Variants in LINGO1 observed in about 807,000 individuals in gnomAD.
LINGO1 encodes the protein leucine rich repeat and Ig domain containing 1.
A neutral mutation model predicts 37.3 loss-of-function variants in LINGO1; 11 were observed. That is an observed-to-expected ratio of 0.29 (90% CI 0.19 to 0.49). LINGO1 has a LOEUF of 0.49. Ranked by LOEUF, LINGO1 falls within the 20% of genes least tolerant of loss-of-function variation. LINGO1 has a pLI of 0.99. For missense variants in LINGO1, 585 were observed against 878.2 expected (o/e 0.67, Z 4.22); for synonymous variants, 387 against 403.0 (o/e 0.96, Z 0.48).
At chr15:77,810,704 G>A (rs1447079163) in intron 1 of LINGO1, among the ~76,000 whole-genome samples, 1 of 152,338 alleles carries the variant, frequency 6.6e-6, no homozygotes, top group East Asian at 1.9e-4. Context: ...TCTAGTTCCA[G>A]CATTCTGTGA....
upstream of LINGO1, among the ~76,000 whole-genome samples, chr15:77,701,482 T>C (rs1315558644): frequency 6.6e-6 from 1 of 152,102 alleles, no homozygotes; most frequent in East Asian, 1.9e-4. Context: ...TCAAGAGGCC[T>C]GAGAAGGCTT....
At chr15:77,737,147 C>T (rs768655737) in intron 1 of LINGO1, among the ~76,000 whole-genome samples, 3 of 152,194 alleles carry the variant, frequency 2.0e-5, no homozygotes, top group Non-Finnish European at 2.9e-5. Flanking sequence ...AGGGTATCCA[C>T]GTTTTACATG....
In LINGO1 at chr15:77,615,797, C is replaced by T; in HGVS notation, c.110G>A (p.Gly37Asp). Residue 37 changes from glycine to aspartate, a missense_variant, in exon 2 of 2, where the codon GGC (glycine) becomes GAC (aspartate). This residue lies in a region of LINGO1 where 65 missense variants were observed against 57.0 expected (regional missense o/e 1.14). Coordinates refer to ENST00000355300, the MANE Select transcript of LINGO1 (RefSeq NM_032808.7). Reference sequence around the variant, plus strand: ...GCGGGGCGGGCAGCCCGTGGCCGAGCCTGACAGCACTGAGCCCAGCACCAG... The same window carrying T: ...GCGGGGCGGGCAGCCCGTGGCCGAGTCTGACAGCACTGAGCCCAGCACCAG... ...LLLVLGSVLS[G>D]SATGCPPRCE... The T allele has an allele frequency of 6.4e-7, 1 of 1,562,622 alleles. No individual in the cohort carries two copies. The highest frequency in any genetic ancestry group is 8.6e-7 in the Non-Finnish European group (1 of 1,161,714).
chr15:77,621,582 G>A (rs2073922586), intron 1 of LINGO1, among the ~76,000 whole-genome samples: 1 of 152,200 alleles, frequency 6.6e-6, no homozygotes, highest in African/African-American at 2.4e-5. Flanking sequence ...CAGGGGAGGG[G>A]CTGTCCTGTC....
chr15:77,756,987 C>A (rs1567566340), intron 1 of LINGO1, among the ~76,000 whole-genome samples: 1 of 152,218 alleles, frequency 6.6e-6, no homozygotes, highest in Non-Finnish European at 1.5e-5. Context: ...CCCACCCATA[C>A]CTTCAGCCCC....
chr15:77,706,746 C>G (rs981347762), intron 2 of LINGO1, among the ~76,000 whole-genome samples: 1 of 152,228 alleles, frequency 6.6e-6, no homozygotes, highest in Non-Finnish European at 1.5e-5. Context: ...GTGAGCCTCA[C>G]TCGGAAAGGG....
chr15:77,702,568 C>A (rs1451661920), intron 2 of LINGO1, among the ~76,000 whole-genome samples: 1 of 152,180 alleles, frequency 6.6e-6, no homozygotes, highest in Admixed American at 6.5e-5. Context: ...CTCAATGAGA[C>A]CGTGATGCAG....
At chr15:77,620,224 G>A (rs2073875655) in intron 1 of LINGO1, among the ~76,000 whole-genome samples, 1 of 148,250 alleles carries the variant, frequency 6.7e-6, no homozygotes, top group Admixed American at 6.6e-5. Flanking sequence ...CTTCCTACAA[G>A]GGTAAGAGTT....
upstream of LINGO1, among the ~76,000 whole-genome samples, chr15:77,635,708 T>C (rs1010273232): frequency 6.6e-6 from 1 of 152,240 alleles, no homozygotes; most frequent in African/African-American, 2.4e-5. Context: ...ACCCATCTCT[T>C]CTATTCCTGT....
At chr15:77,699,484 CT>C (rs1356626171), upstream of LINGO1, among the ~76,000 whole-genome samples, 2 of 4,478 alleles carry the variant, frequency 4.5e-4, no homozygotes, top group Non-Finnish European at 8.4e-4. Flanking sequence ...TAAGCACATA[CT>C]AACCATCATC....
intron 1 of LINGO1, among the ~76,000 whole-genome samples, chr15:77,774,237 G>C (rs1567575934): frequency 6.6e-6 from 1 of 152,028 alleles, no homozygotes; most frequent in African/African-American, 2.4e-5. Flanking sequence ...GGGGGAATGG[G>C]GGTCTTCATT....
At chr15:77,668,569 T>A (rs2075183139) in intron 3 of LINGO1, among the ~76,000 whole-genome samples, 1 of 152,106 alleles carries the variant, frequency 6.6e-6, no homozygotes, top group African/African-American at 2.4e-5. Flanking sequence ...AGAGACAACC[T>A]GGACTGTCAG....
intron 1 of LINGO1, among the ~76,000 whole-genome samples, chr15:77,627,073 T>C (rs973425097): frequency 5.4e-5 from 8 of 147,064 alleles, no homozygotes; most frequent in African/African-American, 1.5e-4. Context: ...GTAGAGGAGG[T>C]GGCAGAGAGA....
chr15:77,701,047 T>C (rs528179900), upstream of LINGO1, among the ~76,000 whole-genome samples: 10 of 152,328 alleles, frequency 6.6e-5, no homozygotes, highest in East Asian at 1.5e-3. Flanking sequence ...CACTGTGGGA[T>C]AGGTGTTCTT....
chr15:77,789,969 G>T (rs866686643), upstream of LINGO1, among the ~76,000 whole-genome samples: 9 of 151,908 alleles, frequency 5.9e-5, no homozygotes, highest in Non-Finnish European at 8.8e-5. Flanking sequence ...ACCATGTCTC[G>T]CCATGTTGCC....
At chr15:77,714,089 T>C (rs976181247) in intron 2 of LINGO1, among the ~76,000 whole-genome samples, 1 of 152,152 alleles carries the variant, frequency 6.6e-6, no homozygotes, top group Admixed American at 6.5e-5. Flanking sequence ...ATAGGACACC[T>C]CTGCAGAAGG....
At chr15:77,735,773 C>T (rs1043235033) in intron 1 of LINGO1, among the ~76,000 whole-genome samples, 2 of 152,228 alleles carry the variant, frequency 1.3e-5, no homozygotes, top group Non-Finnish European at 2.9e-5. Context: ...TTGAGAACTG[C>T]TGGCCTTGAA....
At chr15:77,637,699 A>T (rs2074422635), upstream of LINGO1, among the ~76,000 whole-genome samples, 1 of 152,158 alleles carries the variant, frequency 6.6e-6, no homozygotes, top group Non-Finnish European at 1.5e-5. This position sits in a 1 kb window ranked among gnomAD's most constrained non-coding sequence, Gnocchi z 4.6. Context: ...CTTTAAAGTC[A>T]GGGCTCTAGC....
intron 1 of LINGO1, among the ~76,000 whole-genome samples, chr15:77,800,831 A>C (rs1342754979): frequency 1.3e-5 from 2 of 152,220 alleles, no homozygotes; most frequent in Non-Finnish European, 2.9e-5. Flanking sequence ...CAAATCAATA[A>C]GAAAAAAGAC....
Sources: gnomAD v4.1 joint callset for allele counts (sites outside exome capture counted in the v4.1 genomes callset) on GRCh38, gnomAD v4.1.1 for gene constraint, gnomAD v4.1.1 regional missense constraint, Gnocchi (gnomAD v3.1) non-coding constraint, MANE v1.5 for transcripts, NCBI Gene and HGNC (gene_info 2026-07-23, HGNC 2026-07-21) for gene names.